Variants in L3MBTL4 observed in about 807,000 individuals in gnomAD.
L3MBTL4 encodes the protein lethal(3)malignant brain tumor-like protein 4.
L3MBTL4 carries 70 observed loss-of-function variants against 84.5 expected under a neutral mutation model. The ratio of observed to expected loss-of-function variants is 0.83; its 90% confidence interval spans 0.68 to 1.01. The LOEUF (loss-of-function observed/expected upper bound fraction) is 1.01. Among genes scored for constraint, L3MBTL4 ranks in the 50% least tolerant of loss-of-function variants. The pLI is 0.00. For synonymous variants in L3MBTL4, 274 were observed against 259.8 expected, an observed-to-expected ratio of 1.05 and a Z score of -0.52; for missense variants, 715 against 754.8, an observed-to-expected ratio of 0.95 and a Z score of 0.62.
At chr18:6,069,743 C>T (rs1185830261) in intron 16 of L3MBTL4, among the ~76,000 whole-genome samples, 1 of 152,110 alleles carries the variant, frequency 6.6e-6, no homozygotes, top group African/African-American at 2.4e-5. Context: ...GTTGGCGAGG[C>T]TGATATCACT....
At chr18:6,299,731 A>C (rs2050252253) in intron 4 of L3MBTL4, among the ~76,000 whole-genome samples, 1 of 152,196 alleles carries the variant, frequency 6.6e-6, no homozygotes, top group Non-Finnish European at 1.5e-5. Flanking sequence ...GTGCAGGGAC[A>C]AGATCTTGGC....
At chr18:6,095,356 T>TTTTTTTC (rs1251673103) in intron 14 of L3MBTL4, among the ~76,000 whole-genome samples, 2 of 147,350 alleles carry the variant, frequency 1.4e-5, no homozygotes, top group African/African-American at 5.2e-5. Flanking sequence ...GTTTTTTTTT[T>TTTTTTTC]TTTTTTTTTG....
At position 6,138,247 on chromosome 18, in the gene L3MBTL4, G is replaced by A. The variant is rs547419644; in HGVS notation, c.1146C>T (p.Pro382=). Residue 382 remains proline, a synonymous_variant, in exon 14 of 19, where the codon CCC becomes CCT. Transcript: ENST00000317931. ...GGATATGGCCTATTCCTCGGCACCCGGGAGTAGGACAGACAGCTTGACCTG... is the reference window on the plus strand; with the variant it reads ...GGATATGGCCTATTCCTCGGCACCCAGGAGTAGGACAGACAGCTTGACCTG... ...ILPGQAVCPT[P]GCRGIGHIRG... The A allele has an allele frequency of 3.3e-5, 53 of 1,613,362 alleles. No homozygotes were observed. Among genetic ancestry groups the A allele is most frequent in the Middle Eastern group, 3.3e-4 (2 of 6,056 alleles).
intron 1 of L3MBTL4, among the ~76,000 whole-genome samples, chr18:6,316,194 A>T (rs1035634871): frequency 2.6e-5 from 4 of 152,150 alleles, no homozygotes; most frequent in Non-Finnish European, 5.9e-5. Context: ...GCTGGGAGAC[A>T]TAAGGACAGG....
intron 12 of L3MBTL4, among the ~76,000 whole-genome samples, chr18:6,197,566 A>G (rs1207958125): frequency 1.3e-5 from 2 of 152,204 alleles, no homozygotes; most frequent in Non-Finnish European, 2.9e-5. Context: ...TAGTGCTGCA[A>G]TGAACATACG....
chr18:6,261,463 C>T (rs2048396090), intron 5 of L3MBTL4, among the ~76,000 whole-genome samples: 1 of 152,220 alleles, frequency 6.6e-6, no homozygotes, highest in South Asian at 2.1e-4. Context: ...CCACCCGCCT[C>T]CTTCAAAGAG....
chr18:6,018,086 T>A (rs532433212), intron 16 of L3MBTL4, among the ~76,000 whole-genome samples: 1 of 152,266 alleles, frequency 6.6e-6, no homozygotes, highest in South Asian at 2.1e-4. Flanking sequence ...GAGCCACTAT[T>A]TCAAGAAATG....
intron 14 of L3MBTL4, among the ~76,000 whole-genome samples, chr18:6,113,460 T>C (rs1231862389): frequency 3.0e-5 from 1 of 33,604 alleles, no homozygotes; most frequent in Non-Finnish European, 5.5e-5. Context: ...GAGGCAAGTG[T>C]GGGCAAAAAA....
intron 5 of L3MBTL4, among the ~76,000 whole-genome samples, chr18:6,248,995 G>A (rs1404115422): frequency 6.6e-6 from 1 of 152,166 alleles, no homozygotes; most frequent in South Asian, 2.1e-4. Context: ...AAAATGAAAT[G>A]GCAAGAATGA....
At chr18:6,115,942 G>C (rs550196718) in intron 14 of L3MBTL4, among the ~76,000 whole-genome samples, 2 of 152,186 alleles carry the variant, frequency 1.3e-5, no homozygotes, top group African/African-American at 4.8e-5. Flanking sequence ...TGCACAGCCA[G>C]TGTGAGGAAT....
rs1256360230 is a variant in L3MBTL4, at chr18:5,956,496, G to A, written c.1678-109C>T. The A allele has an allele frequency of 2.5e-5, 23 of 905,464 alleles. No individual in the cohort carries two copies. The Middle Eastern group carries it at 8.9e-4, about 35-fold the overall frequency. The allele number at this position is 905,464 out of a possible 1,614,324, so 56.1% of individuals were successfully genotyped here. A position where few individuals can be genotyped will look rare whatever the true frequency, so the allele number is the denominator to read the frequency against. ...TGATGTGGAACCCGTCATAGCCTCC[G>A]TGTTGAGCTCACCAGTGAGAGAGAA... On this transcript the variant is annotated intron_variant, in intron 18 of 18. Transcript: ENST00000317931.
intron 1 of L3MBTL4, among the ~76,000 whole-genome samples, chr18:6,329,067 C>T (rs576756887): frequency 6.6e-6 from 1 of 152,010 alleles, no homozygotes; most frequent in Admixed American, 6.5e-5. Flanking sequence ...TTGGTCACTA[C>T]TTCAATCAAG....
chr18:6,247,924 T>C (rs2047750391), intron 5 of L3MBTL4, among the ~76,000 whole-genome samples: 1 of 152,130 alleles, frequency 6.6e-6, no homozygotes, highest in Non-Finnish European at 1.5e-5. Context: ...AGGCACATGA[T>C]GTCCTTCTGT....
intron 1 of L3MBTL4, among the ~76,000 whole-genome samples, chr18:6,409,110 C>T (rs567001374): frequency 6.6e-6 from 1 of 152,296 alleles, no homozygotes; most frequent in African/African-American, 2.4e-5. Flanking sequence ...ATCTTAACGC[C>T]ATTTGTTACA....
intron 4 of L3MBTL4, among the ~76,000 whole-genome samples, chr18:6,266,543 C>A (rs1003221843): frequency 6.6e-6 from 1 of 152,172 alleles, no homozygotes; most frequent in African/African-American, 2.4e-5. Flanking sequence ...ACATTTGAAA[C>A]CTCTCGAGAC....
At position 6,404,357 on chromosome 18, in the gene L3MBTL4, G is replaced by C. The variant is rs561649374; in HGVS notation, c.-91+10444C>G. Among the ~76,000 whole-genome samples the C allele has an allele frequency of 8.7e-4, 133 of 152,280 alleles. 1 individual carries two copies. The highest frequency in any genetic ancestry group is 1.7e-3 in the Non-Finnish European group (119 of 68,024). ...TAGTTTCAACAAACAAATGAAAAAA[G>C]AGCATAGGGGACAAGTGCACCCCAA... On this transcript the variant is annotated intron_variant, in intron 1 of 18. Transcript: ENST00000317931.
At chr18:6,025,076 C>T (rs922121058) in intron 16 of L3MBTL4, 1 of 152,190 alleles carries the variant, frequency 6.6e-6, no homozygotes, top group Non-Finnish European at 1.5e-5. Flanking sequence ...CTGATAGGAT[C>T]TCTCCAAATT....
chr18:6,251,287 A>G (rs2047912886), intron 5 of L3MBTL4, among the ~76,000 whole-genome samples: 1 of 152,262 alleles, frequency 6.6e-6, no homozygotes, highest in African/African-American at 2.4e-5. Context: ...AATAAACAGC[A>G]TGATTGAGAA....
chr18:6,144,889 G>A (rs2042582656), intron 13 of L3MBTL4, among the ~76,000 whole-genome samples: 1 of 152,158 alleles, frequency 6.6e-6, no homozygotes, highest in South Asian at 2.1e-4. Flanking sequence ...AGGTGTTGAG[G>A]GAAGAAGAGA....
Sources: allele counts gnomAD v4.1 joint callset (sites outside exome capture counted in the v4.1 genomes callset), GRCh38; gene constraint gnomAD v4.1.1; transcripts MANE v1.5; gene names NCBI Gene and HGNC (gene_info 2026-07-23, HGNC 2026-07-21).